The following SUN1 variants were observed in gnomAD, a reference collection of about 807,000 sequenced individuals.
SUN1 encodes SUN domain-containing protein 1.
Under a neutral mutation model 103.2 loss-of-function variants are expected in SUN1, and 61 were observed. That is an observed-to-expected ratio of 0.59 (90% CI 0.48 to 0.73). The LOEUF is 0.73. Among genes scored for constraint, SUN1 ranks in the 30% least tolerant of loss-of-function variants. SUN1 has a pLI of 0.00. For synonymous variants in SUN1, 490 were observed against 425.7 expected (o/e 1.15, Z -1.86); for missense variants, 1,052 against 1,034.6 (o/e 1.02, Z -0.23).
At chr7:815,639 A>G (rs997421872), upstream of SUN1, among the ~76,000 whole-genome samples, 2 of 152,164 alleles carry the variant, frequency 1.3e-5, no homozygotes, top group Admixed American at 1.3e-4. Flanking sequence ...ACTTCGTTTT[A>G]AAAGTGCAAA....
chr7:858,139 C>G (rs1461391694), intron 13 of SUN1, among the ~76,000 whole-genome samples, 182 bp downstream of exon 13: 1 of 152,202 alleles, frequency 6.6e-6, no homozygotes, highest in Non-Finnish European at 1.5e-5. Flanking sequence ...CAGGCCACCT[C>G]CACCTGCCGG....
intron 1 of SUN1, among the ~76,000 whole-genome samples, chr7:837,413 T>G (rs1804503597): frequency 6.6e-6 from 1 of 152,236 alleles, no homozygotes; most frequent in Non-Finnish European, 1.5e-5. Context: ...ATGCTTGGTA[T>G]CTGTCTCTGG....
rs1270120474 is a variant in SUN1 at position 865,935 on chromosome 7, C to T, written c.1865-17C>T. On this transcript the variant is annotated splice_polypyrimidine_tract_variant and intron_variant, in intron 15 of 18. Transcript: ENST00000401592. ...GGTGGAACTGGACACTGAGACCGATCTGAACTTTGCTTTAAGGTGGCAGCA... is the reference window on the plus strand; with the variant it reads ...GGTGGAACTGGACACTGAGACCGATTTGAACTTTGCTTTAAGGTGGCAGCA... 3 of 1,611,236 alleles carry T rather than the reference C, an allele frequency of 1.9e-6. No individual in the cohort carries two copies. In the African/African-American group the frequency reaches 4.0e-5, roughly 22 times the overall value.
intron 2 of SUN1, among the ~76,000 whole-genome samples, chr7:840,226 T>C (rs1807947528): frequency 6.6e-6 from 1 of 152,212 alleles, no homozygotes; most frequent in Non-Finnish European, 1.5e-5. Flanking sequence ...GGGAGTTCAC[T>C]GCGCAAAGAG....
At chr7:872,422 AGT>A (rs763169818) in intron 17 of SUN1, 46 bp from the exon 18 acceptor site, 2 of 1,483,486 alleles carry the variant, frequency 1.3e-6, no homozygotes, top group Non-Finnish European at 1.8e-6. Flanking sequence ...CTCTCTGCTC[AGT>A]GTTATTTTTC....
chr7:861,518 G>C lies in SUN1; in HGVS notation c.1864+54G>C. 1.3e-6 allele frequency: 2 copies of C among 1,590,856 alleles called. 1 individual carries two copies. Among genetic ancestry groups the C allele is most frequent in the African/African-American group, 2.7e-5 (2 of 74,560 alleles). On this transcript the variant is annotated intron_variant, in intron 15 of 18. Coordinates refer to ENST00000401592, the MANE Select transcript of SUN1 (RefSeq NM_001130965.3). ...GTTAGATGATCACCTGTTAGCAGGG[G>C]TGTGCACTTGAGAGGCTGTTGCCTA...
upstream of SUN1, chr7:832,379 T>C (rs895866370): frequency 8.8e-6 from 7 of 791,360 alleles, no homozygotes; most frequent in Non-Finnish European, 1.5e-5. Flanking sequence ...GCTGGCCGTG[T>C]TTCCTGTGAG....
intron 5 of SUN1, chr7:843,879 C>G: frequency 7.7e-7 from 1 of 1,295,170 alleles, no homozygotes; most frequent in South Asian, 1.7e-5. Flanking sequence ...GGCTTTGGGA[C>G]GCTGCTCTGG....
At chr7:851,231 G>T (rs1276794921) in intron 5 of SUN1, 153 bp from the exon 6 acceptor site, 6 of 565,882 alleles carry the variant, frequency 1.1e-5, no homozygotes, top group Non-Finnish European at 1.9e-5. Flanking sequence ...GCACTTACAA[G>T]AGTTATTTGG....
At chr7:827,795 GA>G (rs1442453746), upstream of SUN1, among the ~76,000 whole-genome samples, 1 of 151,140 alleles carries the variant, frequency 6.6e-6, no homozygotes, top group African/African-American at 2.4e-5. Context: ...AAGCATTCAA[GA>G]AAAAAAACTG....
intron 1 of SUN1, among the ~76,000 whole-genome samples, chr7:836,147 G>A (rs4719522): frequency 0.84 from 128,338 of 152,100 alleles, 54,780 homozygotes; most frequent in East Asian, 1. Context: ...GTTTTTTACC[G>A]TGGGCTGAGC....
intron 1 of SUN1, among the ~76,000 whole-genome samples, chr7:827,372 T>C (rs938968960): frequency 1.3e-5 from 2 of 152,016 alleles, no homozygotes; most frequent in Non-Finnish European, 2.9e-5. Context: ...TGAAGATTTT[T>C]CAACCATGTT....
At chr7:851,115 A>G in intron 5 of SUN1, 1 of 263,446 alleles carries the variant, frequency 3.8e-6, no homozygotes. Flanking sequence ...GGTTTTTAGG[A>G]GATATCTGCA....
intron 13 of SUN1, among the ~76,000 whole-genome samples, chr7:858,981 G>A (rs1221945011): frequency 2.0e-5 from 3 of 151,898 alleles, no homozygotes; most frequent in East Asian, 1.9e-4. Context: ...TGGTGAAACC[G>A]CGTCTCTACT....
In SUN1 at chr7:836,034, C is replaced by T. The variant is rs573898326; in HGVS notation, c.78-2764C>T. ...GGAGGCCGGGGGGCCTGGCAGAAGC[C>T]GCTTCAGAGCCTCCACGGGGCAAGG... On this transcript the variant is annotated intron_variant, in intron 1 of 18. Transcript: ENST00000401592. 4.6e-5 allele frequency among the ~76,000 whole-genome samples: 7 copies of T among 152,354 alleles called. No homozygotes were observed. In the East Asian group the frequency reaches 7.7e-4, roughly 17 times the overall value.
rs1293063550 is a variant in SUN1, at chr7:823,818, G to C, written c.-74+7145G>C. ...AGAGGGGGCATGGGGCACGCGCCCT[G>C]GGGAGGGAGGAGCAGGCCTGGGGCG... On this transcript the variant is annotated intron_variant, in intron 1 of 17. Transcript: ENST00000389574. Among the ~76,000 whole-genome samples the C allele has an allele frequency of 1.3e-5, 2 of 152,290 alleles. 1 individual carries two copies. Among genetic ancestry groups the C allele is most frequent in the Non-Finnish European group, 2.9e-5 (2 of 68,024 alleles).
upstream of SUN1, among the ~76,000 whole-genome samples, chr7:830,373 A>G (rs148950419): frequency 6.6e-6 from 1 of 152,364 alleles, no homozygotes; most frequent in Non-Finnish European, 1.5e-5. Context: ...GATCCTGGAC[A>G]GGTGTCATTA....
chr7:816,610 T>C (rs2128100492), upstream of SUN1: 1 of 390,918 alleles, frequency 2.6e-6, no homozygotes, highest in East Asian at 1.4e-4. Flanking sequence ...TTGGCTGGCG[T>C]GGGCAGAGCG....
intron 1 of SUN1, among the ~76,000 whole-genome samples, chr7:824,862 G>C (rs1451827735): frequency 6.6e-6 from 1 of 152,110 alleles, no homozygotes; most frequent in Non-Finnish European, 1.5e-5. Context: ...GGCGGGTGCG[G>C]GGTGGGGGCG....
Sources: allele counts gnomAD v4.1 joint callset (sites outside exome capture counted in the v4.1 genomes callset), GRCh38; gene constraint gnomAD v4.1.1; transcripts MANE v1.5; gene names NCBI Gene and HGNC (gene_info 2026-07-23, HGNC 2026-07-21).